Variants in MYH8 observed in about 807,000 individuals in gnomAD.
MYH8 encodes myosin-8.
A neutral mutation model predicts 233.2 loss-of-function variants in MYH8; 168 were observed. The ratio of observed to expected loss-of-function variants is 0.72; its 90% CI spans 0.64 to 0.82. The LOEUF (loss-of-function observed/expected upper bound fraction) is 0.82, where lower values mean the gene tolerates loss of function less well. Ranked by LOEUF, MYH8 falls within the 40% of genes least tolerant of loss-of-function variation. MYH8 has a pLI of 0.00. For missense variants in MYH8, 1,995 were observed against 2,327.8 expected (o/e 0.86, Z 2.94); for synonymous variants, 785 against 850.6 (o/e 0.92, Z 1.34).
intron 19 of MYH8, 106 bp from the exon 20 acceptor site, chr17:10,406,503 T>G: frequency 6.5e-7 from 1 of 1,546,270 alleles, no homozygotes; most frequent in East Asian, 2.2e-5. Context: ...GAAATAAAAG[T>G]GGAAAATCCA....
In MYH8 at chr17:10,421,663, C is replaced by T. The variant is rs2277648; in HGVS notation, c.-31G>A. 0.32 allele frequency: 48,961 copies of T among 152,014 alleles called. 9,051 individuals are homozygous for T. Among genetic ancestry groups the T allele is most frequent in the East Asian group, 0.83 (4,277 of 5,180 alleles). The allele number at this position is 152,014 out of a possible 1,614,324, so 9.4% of individuals were successfully genotyped here. ...ATAAATTAATAAAGCCAAGTCTTACCTCTGGAGTTCCAGATAAAAATGCAG... is the reference window on the plus strand; with the variant it reads ...ATAAATTAATAAAGCCAAGTCTTACTTCTGGAGTTCCAGATAAAAATGCAG... On this transcript the variant is annotated splice_region_variant and 5_prime_UTR_variant, in exon 2 of 40. Transcript: ENST00000403437.
chr17:10,404,266 A>G (rs1285815754), intron 22 of MYH8, 64 bp downstream of exon 22: 21 of 1,600,424 alleles, frequency 1.3e-5, no homozygotes, highest in Non-Finnish European at 7.7e-6. Context: ...TTGTAAATCC[A>G]AAGTATATGT....
Position 10,394,232 on chromosome 17 carries a change from T to A in MYH8, c.5166+17A>T, listed in dbSNP as rs761900976. The A allele has an allele frequency of 6.2e-7, 1 of 1,613,910 alleles. No homozygotes were observed. Among genetic ancestry groups the A allele is most frequent in the South Asian group, 1.1e-5 (1 of 91,078 alleles). On this transcript the variant is annotated intron_variant, in intron 35 of 39. Coordinates refer to ENST00000403437, the MANE Select transcript of MYH8 (RefSeq NM_002472.3). ...AGCTACCAGTACACCAGCATTTGTT[T>A]GATGTGAGGGTCTCACCTGGGTGTG...
rs8069834 is a variant in MYH8 at position 10,394,341 on chromosome 17, A to T, written c.5074T>A (p.Trp1692Arg). The part of the protein sequence containing the change: ...NLLQAEIEEL[W>R]ATLEQTERSR... ...CTCTCTGTCTGTTCCAGAGTGGCCC[A>T]CAGCTCCTCGATCTCAGCCTGCAGC... Residue 1692 changes from tryptophan (W) to arginine (R), a missense_variant, in exon 35 of 40, where the codon TGG becomes AGG. Coordinates refer to ENST00000403437, the MANE Select transcript of MYH8 (RefSeq NM_002472.3). 4.3e-6 allele frequency: 7 copies of T among 1,613,716 alleles called. No individual in the cohort carries two copies. Among genetic ancestry groups the T allele is most frequent in the Non-Finnish European group, 4.2e-6 (5 of 1,179,994 alleles).
At chr17:10,418,368 G>A (rs947306837) in intron 5 of MYH8, among the ~76,000 whole-genome samples, 4 of 152,186 alleles carry the variant, frequency 2.6e-5, no homozygotes, top group African/African-American at 9.6e-5. Context: ...TATGTTTACA[G>A]TGGTCTAGTA....
At chr17:10,390,831 T>G (rs2072014693) in intron 39 of MYH8, among the ~76,000 whole-genome samples, 1 of 152,224 alleles carries the variant, frequency 6.6e-6, no homozygotes, top group South Asian at 2.1e-4. Flanking sequence ...CCATACATCC[T>G]TTTATGATTT....
chr17:10,407,043 T>C, intron 17 of MYH8, 64 bp from the exon 18 acceptor site: 1 of 1,274,150 alleles, frequency 7.8e-7, no homozygotes, highest in Non-Finnish European at 1.1e-6. Context: ...TTTGTAATTA[T>C]ATGGAATGAA....
Position 10,415,664 on chromosome 17 carries a change from GA to G in MYH8, c.539+16del, listed in dbSNP as rs750976716. 3.1e-6 allele frequency: 5 copies of G among 1,613,320 alleles called. No homozygotes were observed. The African/African-American group carries it at 4.0e-5, about 13-fold the overall frequency. ...AAGACAATCCTTGCAAATCAGAGAA[GA>G]AAAAAAATCACATACGTGATCAGGA... On this transcript the variant is annotated intron_variant, in intron 6 of 39. Coordinates refer to ENST00000403437, the MANE Select transcript of MYH8 (RefSeq NM_002472.3). This position sits in a 1 kb window ranked among gnomAD's most constrained non-coding sequence, Gnocchi z 4.1.
At chr17:10,404,306 G>A (rs1272977496) in intron 22 of MYH8, 24 bp downstream of exon 22, 1 of 1,613,432 alleles carries the variant, frequency 6.2e-7, no homozygotes, top group Non-Finnish European at 8.5e-7. Context: ...GTAACATGGT[G>A]CATTCAGAAT....
intron 12 of MYH8, among the ~76,000 whole-genome samples, 161 bp from the exon 13 acceptor site, chr17:10,412,889 A>G (rs1036072330): frequency 6.6e-6 from 1 of 152,260 alleles, no homozygotes; most frequent in African/African-American, 2.4e-5. Context: ...TGTGGTTGCC[A>G]GTAAATGGTT....
In MYH8 at chr17:10,418,871, G is replaced by T; in HGVS notation, c.354+16C>A. 6.2e-7 allele frequency: 1 copy of T among 1,614,010 alleles called. No individual in the cohort carries two copies. ...AGAGAGAGACATGAAATAAAAAGGT[G>T]TTTACAGACACTCACGTAGATCATC... is the stretch of plus-strand genomic sequence containing the variant. On this transcript the variant is annotated intron_variant, in intron 4 of 39. Transcript: ENST00000403437.
Position 10,391,948 on chromosome 17 carries a change from C to G in MYH8, c.5598G>C (p.Arg1866Ser), listed in dbSNP as rs1197778252. Residue 1866 changes from arginine to serine, a missense_variant, in exon 39 of 40, where the codon AGG (arginine) becomes AGC (serine). By Grantham distance (110) the Arg-to-Ser change is moderately radical. Transcript: ENST00000403437. Reference protein sequence around the residue: ...QTEEDRKNVLRLQDLVDKLQA... With the variant: ...QTEEDRKNVLSLQDLVDKLQA... ...GTAATTTATCTACCAAGTCCTGCAG[C>G]CTGAGAACATTCTTGCGATCTTCTT... is the stretch of plus-strand genomic sequence containing the variant. 3 of 1,614,128 alleles carry G rather than the reference C, an allele frequency of 1.9e-6. No homozygotes were observed. The highest frequency in any genetic ancestry group is 3.3e-5 in the Admixed American group (2 of 60,026).
chr17:10,392,484 G>A (rs2072035116), intron 38 of MYH8, 58 bp downstream of exon 38: 9 of 1,456,438 alleles, frequency 6.2e-6, no homozygotes, highest in Non-Finnish European at 6.8e-6. Context: ...TAGTCATAAG[G>A]TTTTCAATTT....
intron 2 of MYH8, among the ~76,000 whole-genome samples, chr17:10,420,692 C>A (rs1266158300): frequency 2.6e-5 from 4 of 152,120 alleles, no homozygotes; most frequent in Non-Finnish European, 5.9e-5. Flanking sequence ...TCAAAGCTAT[C>A]AAAAAATCTT....
intron 14 of MYH8, among the ~76,000 whole-genome samples, chr17:10,411,781 G>T (rs1000526531): frequency 5.9e-5 from 9 of 152,150 alleles, no homozygotes; most frequent in Admixed American, 4.6e-4. Flanking sequence ...CCCCTCGTCA[G>T]GTGTGTGAAA....
Position 10,414,433 on chromosome 17 carries a change from T to G in MYH8, c.857A>C (p.Tyr286Ser), listed in dbSNP as rs1236026136. Residue 286 changes from tyrosine to serine, a missense_variant, in exon 10 of 40, where the codon TAC (tyrosine) becomes TCC (serine). Physicochemically the swap from Tyr to Ser is moderately radical, Grantham distance 144. Coordinates refer to ENST00000403437, the MANE Select transcript of MYH8 (RefSeq NM_002472.3). ...VTFQLKAERSYHIFYQITSNK... is the reference protein window; with the variant it reads ...VTFQLKAERSSHIFYQITSNK... ...GGAAGTGATCTGATAAAAAATATGGTAGCTTCTTTCCGCCTTTAGCTGGAA... is the reference window on the plus strand; with the variant it reads ...GGAAGTGATCTGATAAAAAATATGGGAGCTTCTTTCCGCCTTTAGCTGGAA... 1.9e-6 allele frequency: 3 copies of G among 1,613,622 alleles called. No homozygotes were observed. The highest frequency in any genetic ancestry group is 1.7e-5 in the Admixed American group (1 of 60,026).
chr17:10,403,367 T>C (rs1313618056), intron 22 of MYH8, among the ~76,000 whole-genome samples: 1 of 152,234 alleles, frequency 6.6e-6, no homozygotes, highest in African/African-American at 2.4e-5. Context: ...TACCTTGGCC[T>C]GGGGAATATT....
chr17:10,398,673 A>C, intron 29 of MYH8, 33 bp from the exon 30 acceptor site: 1 of 1,614,130 alleles, frequency 6.2e-7, no homozygotes, highest in Non-Finnish European at 8.5e-7. Flanking sequence ...ACATAAATTC[A>C]TGTATTCAGT....
chr17:10,413,994 A>T lies in MYH8; in HGVS notation c.1055T>A (p.Ile352Asn), dbSNP rs1192009068. The part of the protein sequence containing the change: ...LGFTPEEKVS[I>N]YKLTGAVMHY... ...CATCACAGCCCCTGTGAGTTTATAG[A>T]TGGACACTTTCTCTTCAGGAGTGAA... is the stretch of plus-strand genomic sequence containing the variant. The change falls in exon 12 of 40, where the codon ATC becomes AAC. Residue 352 changes from isoleucine to asparagine, a missense_variant. This residue lies in a region of MYH8 where 479 missense variants were observed against 600.9 expected (regional missense o/e 0.80). Transcript: ENST00000403437. The T allele has an allele frequency of 1.9e-6, 3 of 1,613,964 alleles. No individual in the cohort carries two copies. Among genetic ancestry groups the T allele is most frequent in the African/African-American group, 1.3e-5 (1 of 74,882 alleles).
Sources: gnomAD v4.1 joint callset for allele counts (sites outside exome capture counted in the v4.1 genomes callset) on GRCh38, gnomAD v4.1.1 for gene constraint, gnomAD v4.1.1 regional missense constraint, Gnocchi (gnomAD v3.1) non-coding constraint, MANE v1.5 for transcripts, NCBI Gene and HGNC (gene_info 2026-07-23, HGNC 2026-07-21) for gene names.